ATL2: variants seen among roughly 807,000 people sequenced by gnomAD.
ATL2 encodes the protein atlastin-2.
Under a neutral mutation model 73.9 loss-of-function variants are expected in ATL2, and 31 were observed. That is an observed-to-expected ratio of 0.42 (90% CI 0.32 to 0.57). ATL2 has a LOEUF of 0.57. Ranked by LOEUF, ATL2 falls within the 20% of genes least tolerant of loss-of-function variation. The probability of loss-of-function intolerance (pLI) is 0.14; values close to 1 mark genes in which losing one functional copy is unlikely to be tolerated. For synonymous variants in ATL2, 291 were observed against 237.5 expected, an observed-to-expected ratio of 1.23 and a Z score of -2.07; for missense variants, 738 against 702.6, an observed-to-expected ratio of 1.05 and a Z score of -0.57.
rs3632 is a variant in ATL2 at position 38,295,002 on chromosome 2, C to A, written c.*992G>T. ...ATTCCCATTGAATTCCCTTGGTGGG[C>A]GGGGGGGGGGTGAGATTGCAGTGCT... is the stretch of plus-strand genomic sequence containing the variant. On this transcript the variant is annotated 3_prime_UTR_variant, in exon 13 of 13. Coordinates refer to ENST00000378954, the MANE Select transcript of ATL2 (RefSeq NM_001135673.4). 2 of 29,230 alleles carry A rather than the reference C, an allele frequency of 6.8e-5. No individual in the cohort carries two copies. Among genetic ancestry groups the A allele is most frequent in the Non-Finnish European group, 1.1e-4 (2 of 17,748 alleles). 1.8% of individuals were successfully genotyped at this position (29,230 alleles called of 1,614,324 possible). A position where few individuals can be genotyped will look rare whatever the true frequency, so the allele number is the denominator to read the frequency against.
At chr2:38,311,376 T>C (rs1667748341) in intron 7 of ATL2, among the ~76,000 whole-genome samples, 1 of 152,200 alleles carries the variant, frequency 6.6e-6, no homozygotes, top group South Asian at 2.1e-4. Context: ...CCAATATAAC[T>C]CACACAGTCT....
rs1267456333 is a variant in ATL2, at chr2:38,294,125, TAC to T, written c.*1867_*1868del. On this transcript the variant is annotated 3_prime_UTR_variant, in exon 13 of 13. Coordinates refer to ENST00000378954, the MANE Select transcript of ATL2 (RefSeq NM_001135673.4). ...AAGAACAGATAAGTTAGCAATTTAATACAGATGAAAACAAATACAATCCATAT... is the reference window on the plus strand; with the variant it reads ...AAGAACAGATAAGTTAGCAATTTAATAGATGAAAACAAATACAATCCATAT... Among the ~76,000 whole-genome samples the T allele has an allele frequency of 6.6e-6, 1 of 152,212 alleles. No individual in the cohort carries two copies. The highest frequency in any genetic ancestry group is 1.9e-4 in the East Asian group (1 of 5,198).
chr2:38,306,486 C>G (rs769885488), intron 9 of ATL2, among the ~76,000 whole-genome samples: 29 of 152,262 alleles, frequency 1.9e-4, no homozygotes, highest in Non-Finnish European at 3.2e-4. Context: ...AAATCCTCAA[C>G]AAAATACTAG....
intron 1 of ATL2, chr2:38,358,608 C>T (rs556999175): frequency 1.0e-4 from 27 of 267,428 alleles, no homozygotes; most frequent in Middle Eastern, 2.8e-3. Context: ...CGGAGAATGG[C>T]GTGGACCCAA....
intron 11 of ATL2, among the ~76,000 whole-genome samples, chr2:38,298,986 C>T (rs1378538072): frequency 1.3e-5 from 2 of 152,162 alleles, no homozygotes; most frequent in South Asian, 2.1e-4. Flanking sequence ...CATCAGAAGT[C>T]ACCAATAACA....
chr2:38,373,851 T>C (rs1033191363), intron 1 of ATL2, among the ~76,000 whole-genome samples: 1 of 152,214 alleles, frequency 6.6e-6, no homozygotes, highest in African/African-American at 2.4e-5. Context: ...CCAAGTATTA[T>C]CCTATTGCCA....
intron 1 of ATL2, among the ~76,000 whole-genome samples, 176 bp from the exon 2 acceptor site, chr2:38,343,688 T>C (rs538931602): frequency 1.3e-5 from 2 of 152,244 alleles, no homozygotes; most frequent in African/African-American, 2.4e-5. Context: ...AGAATGCTGA[T>C]AAGATTTCCC....
rs1330925933 is a variant in ATL2, at chr2:38,310,458, A to G, written c.805-11T>C. 7 of 1,581,242 alleles carry G rather than the reference A, an allele frequency of 4.4e-6. No homozygotes were observed. Among genetic ancestry groups the G allele is most frequent in the Non-Finnish European group, 6.0e-6 (7 of 1,167,442 alleles). On this transcript the variant is annotated splice_polypyrimidine_tract_variant and intron_variant, in intron 7 of 12. Transcript: ENST00000378954. ...TTGATTTTGTTTTACCTGAGGGCGGAGAGAGACAGGTGAAATTGTAAACAG... is the reference window on the plus strand; with the variant it reads ...TTGATTTTGTTTTACCTGAGGGCGGGGAGAGACAGGTGAAATTGTAAACAG...
At chr2:38,355,073 A>T (rs1670579514) in intron 1 of ATL2, among the ~76,000 whole-genome samples, 1 of 142,508 alleles carries the variant, frequency 7.0e-6, no homozygotes, top group African/African-American at 2.6e-5. Flanking sequence ...TAAACACTCC[A>T]ATAAAAACGC....
intron 1 of ATL2, chr2:38,376,733 G>C (rs1671991626): frequency 6.6e-6 from 1 of 152,258 alleles, no homozygotes; most frequent in African/African-American, 2.4e-5. Flanking sequence ...CAGCTAACGG[G>C]TCGCCCCGCC....
chr2:38,377,237 C>G lies in ATL2; in HGVS notation c.24G>C (p.Ala8=). The G allele has an allele frequency of 6.3e-7, 1 of 1,598,384 alleles. No homozygotes were observed. The highest frequency in any genetic ancestry group is 8.5e-7 in the Non-Finnish European group (1 of 1,173,290). Residue 8 remains alanine (A), a synonymous_variant, in exon 1 of 13, where the codon GCG becomes GCC. Coordinates refer to ENST00000378954, the MANE Select transcript of ATL2 (RefSeq NM_001135673.4). ...GCCCCTGGTGCGGTTGCTGCCCTCG[C>G]GCTGCCTCGTCCCCCTCCGCCATCT... MAEGDEA[A]RGQQPHQGLW...
chr2:38,303,461 G>A (rs527823892), intron 9 of ATL2, among the ~76,000 whole-genome samples: 9 of 152,156 alleles, frequency 5.9e-5, no homozygotes, highest in Non-Finnish European at 1.3e-4. Flanking sequence ...CAAAGTGCTA[G>A]GATTACAGGC....
At position 38,295,051 on chromosome 2, in the gene ATL2, C is replaced by CAA. The variant is rs1666822166; in HGVS notation, c.*941_*942dup. 6.7e-6 allele frequency: 1 copy of CAA among 148,368 alleles called. No individual in the cohort carries two copies. Among genetic ancestry groups the CAA allele is most frequent in the African/African-American group, 2.5e-5 (1 of 39,752 alleles). 9.2% of individuals were successfully genotyped at this position (148,368 alleles called of 1,614,324 possible). A position where few individuals can be genotyped will look rare whatever the true frequency, so the allele number is the denominator to read the frequency against. On this transcript the variant is annotated 3_prime_UTR_variant, in exon 13 of 13. Coordinates refer to ENST00000378954, the MANE Select transcript of ATL2 (RefSeq NM_001135673.4). ...CTCAAGATAAATATCACAAATATAT[C>CAA]AAAAACTTCAAATTGTCTATGCATT... is the stretch of plus-strand genomic sequence containing the variant.
At chr2:38,303,436 C>T (rs971124871) in intron 9 of ATL2, among the ~76,000 whole-genome samples, 34 of 151,996 alleles carry the variant, frequency 2.2e-4, no homozygotes, top group African/African-American at 8.2e-4. Context: ...AAGTGATCTG[C>T]CCACCTCAGC....
chr2:38,317,671 A>G (rs1346672001), intron 4 of ATL2, among the ~76,000 whole-genome samples: 1 of 152,164 alleles, frequency 6.6e-6, no homozygotes, highest in Non-Finnish European at 1.5e-5. Flanking sequence ...AAAAAACTAG[A>G]CTTCTAAGCT....
chr2:38,367,451 A>G (rs112088794), intron 1 of ATL2, among the ~76,000 whole-genome samples: 18,508 of 150,698 alleles, frequency 0.12, 3,326 homozygotes, highest in African/African-American at 0.4. Flanking sequence ...AAAATACAAA[A>G]AAAAATTAGC....
intron 2 of ATL2, 131 bp downstream of exon 2, chr2:38,343,137 G>C: frequency 1.2e-6 from 1 of 828,372 alleles, no homozygotes; most frequent in South Asian, 2.3e-5. Context: ...AACAGAGTGA[G>C]ACCACTTAAA....
chr2:38,352,718 C>T (rs1670428804), intron 1 of ATL2, among the ~76,000 whole-genome samples: 2 of 152,168 alleles, frequency 1.3e-5, no homozygotes, highest in South Asian at 4.1e-4. Flanking sequence ...AAAGAAACAT[C>T]TATACCTTAG....
chr2:38,373,402 G>A (rs376336541), intron 1 of ATL2, among the ~76,000 whole-genome samples: 2 of 152,330 alleles, frequency 1.3e-5, no homozygotes, highest in Admixed American at 6.5e-5. Flanking sequence ...ATGAACAGGA[G>A]TTGTATGAAT....
Sources: allele counts gnomAD v4.1 joint callset (sites outside exome capture counted in the v4.1 genomes callset), GRCh38; gene constraint gnomAD v4.1.1; transcripts MANE v1.5; gene names NCBI Gene and HGNC (gene_info 2026-07-23, HGNC 2026-07-21).